Variants in MYRIP observed in about 807,000 individuals in gnomAD.
MYRIP encodes the protein myosin VIIA and Rab interacting protein, also known as rab effector MyRIP.
Under a neutral mutation model 98.0 loss-of-function variants are expected in MYRIP, and 49 were observed. That is an observed-to-expected ratio of 0.50 (90% CI 0.40 to 0.63). The LOEUF is 0.63. Ranked by LOEUF, MYRIP falls within the 30% of genes least tolerant of loss-of-function variation. MYRIP has a pLI of 0.00. For synonymous variants in MYRIP, 404 were observed against 409.5 expected, an observed-to-expected ratio of 0.99 and a Z score of 0.16; for missense variants, 1,004 against 1,058.2, an observed-to-expected ratio of 0.95 and a Z score of 0.71.
At chr3:39,957,063 G>A (rs1945185011) in intron 2 of MYRIP, among the ~76,000 whole-genome samples, 1 of 151,770 alleles carries the variant, frequency 6.6e-6, no homozygotes, top group Non-Finnish European at 1.5e-5. Context: ...AAAAAGTCCA[G>A]GACCAGATGG....
At chr3:39,961,148 G>A (rs138938656) in intron 2 of MYRIP, among the ~76,000 whole-genome samples, 1 of 152,168 alleles carries the variant, frequency 6.6e-6, no homozygotes, top group African/African-American at 2.4e-5. Flanking sequence ...AAATGTCTTA[G>A]AACATTATGT....
chr3:39,854,870 G>A (rs1416417916), intron 1 of MYRIP, among the ~76,000 whole-genome samples: 1 of 152,192 alleles, frequency 6.6e-6, no homozygotes, highest in East Asian at 1.9e-4. Flanking sequence ...TCCTAGGGGT[G>A]GGGTTTCCTG....
rs1438257931 is a variant in MYRIP at position 40,190,539 on chromosome 3, T to C, written c.1665+76T>C. ...TGCCCTACTCCAAGCACAAGTGGCATAGAGTCCTGGGTTTGGAATCCGCAG... is the reference window on the plus strand; with the variant it reads ...TGCCCTACTCCAAGCACAAGTGGCACAGAGTCCTGGGTTTGGAATCCGCAG... On this transcript the variant is annotated intron_variant, in intron 10 of 16. Transcript: ENST00000302541. 3.3e-6 allele frequency: 5 copies of C among 1,501,250 alleles called. No homozygotes were observed. The Admixed American group carries it at 1.2e-4, about 36-fold the overall frequency. The allele number at this position is 1,501,250 out of a possible 1,614,324, so 93.0% of individuals were successfully genotyped here. A position where few individuals can be genotyped will look rare whatever the true frequency, so the allele number is the denominator to read the frequency against.
At chr3:39,906,331 C>CT in intron 2 of MYRIP, among the ~76,000 whole-genome samples, 1 of 152,154 alleles carries the variant, frequency 6.6e-6, no homozygotes, top group Admixed American at 6.5e-5. Flanking sequence ...CAGCTCTATC[C>CT]CCAGGTTCTA....
chr3:40,139,544 G>A (rs1451284697), intron 3 of MYRIP, among the ~76,000 whole-genome samples: 1 of 152,100 alleles, frequency 6.6e-6, no homozygotes, highest in Non-Finnish European at 1.5e-5. Context: ...TTAGCATAAT[G>A]TTTTTGAGGT....
At chr3:39,850,775 T>C (rs1303653687) in intron 1 of MYRIP, among the ~76,000 whole-genome samples, 1 of 152,222 alleles carries the variant, frequency 6.6e-6, no homozygotes, top group Non-Finnish European at 1.5e-5. Flanking sequence ...AGCTCTTATA[T>C]TGACACACTT....
intron 9 of MYRIP, among the ~76,000 whole-genome samples, chr3:40,189,077 G>C (rs944899551): frequency 2.0e-5 from 3 of 152,190 alleles, no homozygotes; most frequent in African/African-American, 7.2e-5. Flanking sequence ...TCTGCAGCTG[G>C]CCAAGGACTT....
chr3:39,925,960 T>C (rs1242966487), intron 2 of MYRIP, among the ~76,000 whole-genome samples: 1 of 152,048 alleles, frequency 6.6e-6, no homozygotes, highest in African/African-American at 2.4e-5. Context: ...AGTGTGTAAG[T>C]GTTATCTTTA....
At chr3:39,870,782 T>C (rs989772331) in intron 1 of MYRIP, among the ~76,000 whole-genome samples, 2 of 152,212 alleles carry the variant, frequency 1.3e-5, no homozygotes, top group Admixed American at 6.5e-5. Flanking sequence ...TTGAGCTTAA[T>C]TTCAGCAGAT....
At chr3:39,979,254 G>A (rs972805821) in intron 2 of MYRIP, among the ~76,000 whole-genome samples, 2 of 152,026 alleles carry the variant, frequency 1.3e-5, no homozygotes, top group Non-Finnish European at 2.9e-5. Context: ...TGAATAGCTG[G>A]GATATATAGA....
intron 2 of MYRIP, among the ~76,000 whole-genome samples, chr3:39,907,113 T>A (rs547482938): frequency 1.3e-5 from 2 of 152,114 alleles, no homozygotes; most frequent in Non-Finnish European, 2.9e-5. Context: ...TGTGTCTGCT[T>A]GGGTGTTGGG....
rs1168751475 is a variant in MYRIP at position 40,169,999 on chromosome 3, C to T, written c.779C>T (p.Pro260Leu). 1.2e-6 allele frequency: 2 copies of T among 1,614,196 alleles called. No homozygotes were observed. Among genetic ancestry groups the T allele is most frequent in the East Asian group, 4.5e-5 (2 of 44,880 alleles). Reference protein sequence around the residue: ...SKSEQQVEEEPGWPHPQSCST... With the variant: ...SKSEQQVEEELGWPHPQSCST... ...AGTGAGCAGCAAGTGGAAGAAGAGC[C>T]AGGATGGCCACATCCCCAGAGTTGC... The change falls in exon 8 of 17, where the codon CCA (proline) becomes CTA (leucine). Residue 260 changes from proline to leucine, a missense_variant. This residue lies in a region of MYRIP where 880 missense variants were observed against 907.7 expected (regional missense o/e 0.97). Coordinates refer to ENST00000302541, the MANE Select transcript of MYRIP (RefSeq NM_015460.4).
intron 3 of MYRIP, among the ~76,000 whole-genome samples, chr3:40,091,076 G>C (rs1948728977): frequency 6.6e-6 from 1 of 152,206 alleles, no homozygotes; most frequent in African/African-American, 2.4e-5. Flanking sequence ...GCATCAAAGA[G>C]CTGAGCCAGC....
chr3:40,247,487 C>T (rs1359032095), intron 13 of MYRIP, among the ~76,000 whole-genome samples: 3 of 152,018 alleles, frequency 2.0e-5, no homozygotes, highest in African/African-American at 7.3e-5. Flanking sequence ...GTGATAAAAC[C>T]GGGATTTTAA....
chr3:39,863,531 C>G (rs1942530842), intron 1 of MYRIP, among the ~76,000 whole-genome samples: 1 of 152,142 alleles, frequency 6.6e-6, no homozygotes, highest in African/African-American at 2.4e-5. Flanking sequence ...ACTATGAACA[C>G]TTACTTCTAT....
At chr3:40,036,322 A>AAC (rs1947383975) in intron 2 of MYRIP, among the ~76,000 whole-genome samples, 1 of 150,228 alleles carries the variant, frequency 6.7e-6, no homozygotes, top group Non-Finnish European at 1.5e-5. Context: ...AAAAAAAAAA[A>AAC]AACTTTATTC....
chr3:40,041,055 C>A (rs1947518107), intron 2 of MYRIP, among the ~76,000 whole-genome samples: 2 of 105,378 alleles, frequency 1.9e-5, no homozygotes, highest in Admixed American at 9.9e-5. Context: ...AAAGCAATGG[C>A]TTGCAACTCT....
intron 3 of MYRIP, among the ~76,000 whole-genome samples, chr3:40,045,904 C>T (rs988440398): frequency 2.0e-5 from 3 of 152,060 alleles, no homozygotes; most frequent in African/African-American, 7.2e-5. Flanking sequence ...AGGGGTCAGT[C>T]AGCCAGAAGT....
chr3:39,933,587 A>C (rs1585284), intron 2 of MYRIP, among the ~76,000 whole-genome samples: 1 of 152,024 alleles, frequency 6.6e-6, no homozygotes, highest in African/African-American at 2.4e-5. Flanking sequence ...AAAACTGTTA[A>C]GTAAAATTCC....
Sources: allele counts gnomAD v4.1 joint callset (sites outside exome capture counted in the v4.1 genomes callset), GRCh38; gene constraint gnomAD v4.1.1; regional missense constraint gnomAD v4.1.1; transcripts MANE v1.5; gene names NCBI Gene and HGNC (gene_info 2026-07-23, HGNC 2026-07-21).